The following FAM171A1 variants were observed in gnomAD, a reference collection of about 807,000 sequenced individuals.
The protein encoded by FAM171A1 is family with sequence similarity 171 member A1.
FAM171A1 carries 23 observed loss-of-function variants against 74.9 expected under a neutral mutation model. The observed-to-expected ratio is 0.31, with a 90% CI of 0.22 to 0.44. The LOEUF is 0.44. Among genes scored for constraint, FAM171A1 ranks in the 20% least tolerant of loss-of-function variants. FAM171A1 has a pLI of 1.00. For synonymous variants in FAM171A1, 527 were observed against 505.7 expected (o/e 1.04, Z -0.57); for missense variants, 1,162 against 1,159.2 (o/e 1.00, Z -0.03).
At chr10:15,254,948 G>A in intron 3 of FAM171A1, 69 bp from the exon 4 acceptor site, 1 of 1,497,812 alleles carries the variant, frequency 6.7e-7, no homozygotes, top group African/African-American at 1.4e-5. Flanking sequence ...GCAAAACCAG[G>A]AAGTGCCTCT....
chr10:15,281,823 T>C (rs1488551561), intron 2 of FAM171A1, among the ~76,000 whole-genome samples: 1 of 152,186 alleles, frequency 6.6e-6, no homozygotes, highest in Non-Finnish European at 1.5e-5. Context: ...ATCACGCCAC[T>C]GCATTCTAGC....
chr10:15,312,093 T>C (rs1416079070), intron 1 of FAM171A1, among the ~76,000 whole-genome samples: 1 of 152,226 alleles, frequency 6.6e-6, no homozygotes, highest in East Asian at 1.9e-4. Flanking sequence ...AGCGTGCATC[T>C]TCTAAATCTC....
At chr10:15,231,070 C>T (rs1331621430) in intron 5 of FAM171A1, among the ~76,000 whole-genome samples, 3 of 152,164 alleles carry the variant, frequency 2.0e-5, no homozygotes, top group East Asian at 1.9e-4. Context: ...AATAACTGAG[C>T]GTTCTCATAA....
At chr10:15,285,147 G>A (rs1342502427) in intron 1 of FAM171A1, among the ~76,000 whole-genome samples, 1 of 152,058 alleles carries the variant, frequency 6.6e-6, no homozygotes, top group Non-Finnish European at 1.5e-5. Context: ...GTGAAGGAGA[G>A]GATGCGTGAG....
At chr10:15,216,198 T>G in intron 6 of FAM171A1, 88 bp from the exon 7 acceptor site, 1 of 815,458 alleles carries the variant, frequency 1.2e-6, no homozygotes. Context: ...GTCTTGTGCT[T>G]ACTCTTCTTA....
chr10:15,265,901 A>G (rs1187504908), intron 3 of FAM171A1, among the ~76,000 whole-genome samples: 1 of 152,158 alleles, frequency 6.6e-6, no homozygotes, highest in Non-Finnish European at 1.5e-5. Flanking sequence ...GCATTTGGTT[A>G]CTGATAAGGA....
intron 1 of FAM171A1, among the ~76,000 whole-genome samples, chr10:15,345,909 A>C (rs931737699): frequency 6.6e-6 from 1 of 152,228 alleles, no homozygotes; most frequent in Non-Finnish European, 1.5e-5. Context: ...CAAGGAGAGC[A>C]GACCCAGAAA....
At chr10:15,353,820 G>GA (rs1327339410) in intron 1 of FAM171A1, among the ~76,000 whole-genome samples, 1 of 152,038 alleles carries the variant, frequency 6.6e-6, no homozygotes, top group Non-Finnish European at 1.5e-5. Flanking sequence ...CCCCAGGGGA[G>GA]AAAAAACAAG....
At chr10:15,287,987 C>T (rs945961921) in intron 1 of FAM171A1, among the ~76,000 whole-genome samples, 2 of 152,204 alleles carry the variant, frequency 1.3e-5, no homozygotes, top group South Asian at 2.1e-4. Context: ...CATAGCTTAG[C>T]TCCCACTCAG....
In FAM171A1 at chr10:15,213,051, G is replaced by A. The variant is rs1419219771; in HGVS notation, c.2537C>T (p.Pro846Leu). The change falls in exon 8 of 8, where the codon CCA becomes CTA. Residue 846 changes from proline (P) to leucine (L), a missense_variant. Pro to Leu is a moderately conservative substitution (Grantham distance 98). Coordinates refer to ENST00000378116, the MANE Select transcript of FAM171A1 (RefSeq NM_001010924.2). The surrounding 1 kb of genome is among the most constrained non-coding windows in gnomAD (Gnocchi z 6.8). ...TCTTCTCTGGTGGGGGCTGGCTGCT[G>A]GCTCCGAGGGGGCATCCGCAGTCCG... ...TRRTADAPSE[P>L]AASPHQRRSA... 1 of 1,613,796 alleles carries A rather than the reference G, an allele frequency of 6.2e-7. No individual in the cohort carries two copies. Among genetic ancestry groups the A allele is most frequent in the South Asian group, 1.1e-5 (1 of 91,046 alleles).
At chr10:15,282,749 T>C (rs1196602151) in intron 2 of FAM171A1, among the ~76,000 whole-genome samples, 1 of 152,138 alleles carries the variant, frequency 6.6e-6, no homozygotes, top group African/African-American at 2.4e-5. Flanking sequence ...TCTTCCTCTG[T>C]CACCCAGGCT....
intron 3 of FAM171A1, among the ~76,000 whole-genome samples, chr10:15,261,076 G>A (rs147074016): frequency 1.3e-5 from 2 of 152,306 alleles, no homozygotes; most frequent in East Asian, 3.9e-4. Flanking sequence ...TGTGTCTTCC[G>A]CTGTCTCTCT....
intron 1 of FAM171A1, among the ~76,000 whole-genome samples, chr10:15,319,318 G>A (rs573961461): frequency 2.0e-5 from 3 of 152,322 alleles, no homozygotes; most frequent in Admixed American, 6.5e-5. Context: ...GCCCAGGTGG[G>A]AGCTAAGCTA....
intron 1 of FAM171A1, among the ~76,000 whole-genome samples, chr10:15,344,349 C>T (rs1020845984): frequency 3.9e-5 from 6 of 152,124 alleles, no homozygotes; most frequent in Admixed American, 3.3e-4. Context: ...TGAGACCAAC[C>T]TGGGCAACAT....
chr10:15,324,222 G>A (rs148065241), intron 1 of FAM171A1, among the ~76,000 whole-genome samples: 1 of 152,138 alleles, frequency 6.6e-6, no homozygotes, highest in East Asian at 1.9e-4. Flanking sequence ...TGCTGCATGC[G>A]CAACTGAGAC....
At chr10:15,300,273 G>C (rs1387582620) in intron 1 of FAM171A1, among the ~76,000 whole-genome samples, 1 of 152,188 alleles carries the variant, frequency 6.6e-6, no homozygotes, top group Admixed American at 6.5e-5. Flanking sequence ...TATTCCTCCT[G>C]AGGAGTGGGC....
intron 3 of FAM171A1, among the ~76,000 whole-genome samples, chr10:15,255,599 T>C (rs1308313231): frequency 6.6e-6 from 1 of 152,162 alleles, no homozygotes; most frequent in African/African-American, 2.4e-5. Context: ...GACAGTTGGT[T>C]GTGCCGTCCT....
intron 1 of FAM171A1, among the ~76,000 whole-genome samples, chr10:15,286,879 A>C (rs565060981): frequency 6.6e-6 from 1 of 152,180 alleles, no homozygotes; most frequent in South Asian, 2.1e-4. Context: ...ATGGGTGTGT[A>C]CCAAATAAAT....
intron 1 of FAM171A1, among the ~76,000 whole-genome samples, chr10:15,313,082 T>C (rs1835383123): frequency 6.6e-6 from 1 of 152,232 alleles, no homozygotes; most frequent in African/African-American, 2.4e-5. Context: ...GGGCTCTGCA[T>C]CTCCCTGTGT....
Sources: gnomAD v4.1 joint callset for allele counts (sites outside exome capture counted in the v4.1 genomes callset) on GRCh38, gnomAD v4.1.1 for gene constraint, Gnocchi (gnomAD v3.1) non-coding constraint, MANE v1.5 for transcripts, NCBI Gene and HGNC (gene_info 2026-07-23, HGNC 2026-07-21) for gene names.